The following BID variants were observed in gnomAD, a reference collection of about 807,000 sequenced individuals.
BID encodes BH3 interacting domain death agonist.
A neutral mutation model predicts 17.4 loss-of-function variants in BID; 19 were observed. The observed-to-expected ratio is 1.09, with a 90% CI of 0.76 to 1.60. The LOEUF (loss-of-function observed/expected upper bound fraction) is 1.60. Among genes scored for constraint, BID ranks in the 40% most tolerant of loss-of-function variants. BID has a pLI of 0.00. For synonymous variants in BID, 108 were observed against 102.8 expected (o/e 1.05, Z -0.31); for missense variants, 226 against 256.0 (o/e 0.88, Z 0.80).
intron 1 of BID, among the ~76,000 whole-genome samples, chr22:17,771,796 T>C (rs960732681): frequency 7.0e-6 from 1 of 143,754 alleles, no homozygotes; most frequent in Non-Finnish European, 1.5e-5. Context: ...CTGCCAGCAG[T>C]GGCTCTTGGG....
rs905050221 is a variant in BID, at chr22:17,773,932, G to A, written c.-59+449C>T. ...TCGGGAGGAGCCGGCAGGTGTCTGC[G>A]GTGCTGGAAAGACCACGGTGTGGGC... On this transcript the variant is annotated intron_variant, in intron 1 of 5. Transcript: ENST00000622694. The surrounding 1 kb of genome is among the most constrained non-coding windows in gnomAD (Gnocchi z 4.4). 1.9e-5 allele frequency: 11 copies of A among 568,574 alleles called. No individual in the cohort carries two copies. Among genetic ancestry groups the A allele is most frequent in the African/African-American group, 1.7e-4 (9 of 52,596 alleles). The allele number at this position is 568,574 out of a possible 1,614,324, so 35.2% of individuals were successfully genotyped here.
intron 1 of BID, among the ~76,000 whole-genome samples, chr22:17,756,704 C>T (rs970332539): frequency 1.3e-5 from 2 of 151,712 alleles, no homozygotes; most frequent in Non-Finnish European, 2.9e-5. Context: ...GCCCCCCAAG[C>T]AGATGGGGCT....
chr22:17,744,747 G>C (rs1385854763), intron 2 of BID, among the ~76,000 whole-genome samples: 11 of 152,222 alleles, frequency 7.2e-5, no homozygotes, highest in Non-Finnish European at 1.3e-4. Flanking sequence ...GGCAGGGACT[G>C]TTCTTGGGGT....
chr22:17,774,334 G>C (rs868810957), intron 1 of BID, 47 bp downstream of exon 1: 1 of 156,426 alleles, frequency 6.4e-6, no homozygotes, highest in Non-Finnish European at 1.4e-5. Flanking sequence ...CAGGGGTCAC[G>C]GGCTGGGGCT....
chr22:17,754,245 C>T (rs1313488809), intron 1 of BID, among the ~76,000 whole-genome samples: 1 of 152,220 alleles, frequency 6.6e-6, no homozygotes, highest in Non-Finnish European at 1.5e-5. Flanking sequence ...GTGACATTCC[C>T]CCAGTCTCCA....
Position 17,739,463 on chromosome 22 carries a change from G to A in BID, c.249C>T (p.Ile83=). 1 of 1,612,392 alleles carries A rather than the reference G, an allele frequency of 6.2e-7. No individual in the cohort carries two copies. Among genetic ancestry groups the A allele is most frequent in the Non-Finnish European group, 8.5e-7 (1 of 1,179,802 alleles). ...EADSESQEDI[I]RNIARHLAQV... ...GGGCGAGGTGCCTGGCAATATTCCGGATGATGTCTTCTTGACTTTCAGAAT... is the reference window on the plus strand; with the variant it reads ...GGGCGAGGTGCCTGGCAATATTCCGAATGATGTCTTCTTGACTTTCAGAAT... The change falls in exon 4 of 6, where the codon ATC becomes ATT. Residue 83 remains isoleucine (I), a synonymous_variant. Coordinates refer to ENST00000622694, the MANE Select transcript of BID (RefSeq NM_001196.4).
rs1165646705 is a variant in BID at position 17,769,021 on chromosome 22, G to A, written c.-59+5360C>T. 4.6e-5 allele frequency among the ~76,000 whole-genome samples: 7 copies of A among 151,792 alleles called. No individual in the cohort carries two copies. The highest frequency in any genetic ancestry group is 2.6e-4 in the Admixed American group (4 of 15,232). On this transcript the variant is annotated intron_variant, in intron 1 of 5. Coordinates refer to ENST00000622694, the MANE Select transcript of BID (RefSeq NM_001196.4). The surrounding 1 kb of genome is among the most constrained non-coding windows in gnomAD (Gnocchi z 4.8). ...CGTGCCACTGCACTCCAGCCTGGGC[G>A]ACAGAGTGAGACTCGTCTCAAAAAT... is the stretch of plus-strand genomic sequence containing the variant.
In BID at chr22:17,739,565, C is replaced by G. The variant is rs540251529; in HGVS notation, c.224-77G>C. On this transcript the variant is annotated intron_variant, in intron 3 of 5. Coordinates refer to ENST00000622694, the MANE Select transcript of BID (RefSeq NM_001196.4). ...GATACCCTCTCCCACACCACCCTGC[C>G]CCGGGAAAGGACAGGTCCGCGATGG... The G allele has an allele frequency of 3.2e-6, 5 of 1,538,916 alleles. No homozygotes were observed. In the African/African-American group the frequency reaches 5.4e-5, roughly 17 times the overall value.
At position 17,750,140 on chromosome 22, in the gene BID, G is replaced by A. The variant is rs372778453; in HGVS notation, c.-24C>T. 6 of 1,613,160 alleles carry A rather than the reference G, an allele frequency of 3.7e-6. No homozygotes were observed. Among genetic ancestry groups the A allele is most frequent in the South Asian group, 3.3e-5 (3 of 90,988 alleles). On this transcript the variant is annotated 5_prime_UTR_variant, in exon 2 of 6. Coordinates refer to ENST00000622694, the MANE Select transcript of BID (RefSeq NM_001196.4). ...ATGGCCTGGGCAGCGCGGCAGCTCC[G>A]ACTCACTCCTGGTTCACAGTGTCCC...
chr22:17,767,674 C>T (rs1410397437), intron 1 of BID, among the ~76,000 whole-genome samples: 1 of 152,192 alleles, frequency 6.6e-6, no homozygotes, highest in Non-Finnish European at 1.5e-5. Flanking sequence ...AACCAATGCT[C>T]AATCACTGAT....
intron 1 of BID, among the ~76,000 whole-genome samples, chr22:17,766,282 C>CTTTTTTTTTT (rs71201884): frequency 7.4e-6 from 1 of 135,152 alleles, no homozygotes. Context: ...TTCTTTCTTT[C>CTTTTTTTTTT]TTTTTTTTTT....
chr22:17,758,952 G>A (rs2061613891), intron 1 of BID, among the ~76,000 whole-genome samples: 1 of 152,166 alleles, frequency 6.6e-6, no homozygotes. Flanking sequence ...AGCCAGGTGG[G>A]CCAGGTGTGG....
chr22:17,757,633 C>T (rs373138197), intron 1 of BID, among the ~76,000 whole-genome samples: 21 of 148,672 alleles, frequency 1.4e-4, no homozygotes, highest in African/African-American at 3.3e-4. Context: ...GGAGTGAACC[C>T]GGGAGGCGGA....
intron 2 of BID, 62 bp from the exon 3 acceptor site, chr22:17,744,075 A>G (rs1601842819): frequency 4.1e-6 from 6 of 1,447,778 alleles, no homozygotes; most frequent in East Asian, 4.6e-5. Flanking sequence ...CCTCCTGCAA[A>G]GAGCTCCAGT....
chr22:17,753,680 A>T (rs929530275), intron 1 of BID, among the ~76,000 whole-genome samples: 74 of 152,340 alleles, frequency 4.9e-4, no homozygotes, highest in African/African-American at 1.7e-3. Flanking sequence ...CAACTCCTAA[A>T]CAAAGTTGCT....
intron 2 of BID, among the ~76,000 whole-genome samples, chr22:17,746,237 G>A (rs1245628895): frequency 1.3e-5 from 2 of 152,028 alleles, no homozygotes; most frequent in Non-Finnish European, 2.9e-5. Context: ...AGGCGGGGGC[G>A]GGGGAGCGCA....
intron 1 of BID, among the ~76,000 whole-genome samples, chr22:17,753,681 C>T (rs912732544): frequency 6.6e-6 from 1 of 152,258 alleles, no homozygotes; most frequent in African/African-American, 2.4e-5. Context: ...AACTCCTAAA[C>T]AAAGTTGCTA....
chr22:17,743,115 G>A (rs771118300), intron 3 of BID, among the ~76,000 whole-genome samples: 16 of 152,262 alleles, frequency 1.1e-4, no homozygotes, highest in Non-Finnish European at 2.4e-4. Context: ...TGCTGGACCT[G>A]GGTTTCCTCA....
At chr22:17,744,380 G>A (rs569391429) in intron 2 of BID, among the ~76,000 whole-genome samples, 4 of 152,358 alleles carry the variant, frequency 2.6e-5, no homozygotes, top group South Asian at 4.1e-4. Flanking sequence ...GCCATCCTGT[G>A]CTGGCACGCT....
Sources: allele counts gnomAD v4.1 joint callset (sites outside exome capture counted in the v4.1 genomes callset), GRCh38; gene constraint gnomAD v4.1.1; non-coding constraint Gnocchi (gnomAD v3.1); transcripts MANE v1.5; gene names NCBI Gene and HGNC (gene_info 2026-07-23, HGNC 2026-07-21).